The following CTNNA1 variants were observed in gnomAD, a reference collection of about 807,000 sequenced individuals.
The protein encoded by CTNNA1 is catenin alpha-1.
A neutral mutation model predicts 98.4 loss-of-function variants in CTNNA1; 37 were observed. That is an observed-to-expected ratio of 0.38 (90% CI 0.29 to 0.49). The LOEUF is 0.49. Ranked by LOEUF, CTNNA1 falls within the 20% of genes least tolerant of loss-of-function variation. The pLI is 0.95. For synonymous variants in CTNNA1, 404 were observed against 413.2 expected (o/e 0.98, Z 0.27); for missense variants, 761 against 1,147.2 (o/e 0.66, Z 4.86).
intron 7 of CTNNA1, chr5:138,880,044 C>T (rs980971580): frequency 5.3e-5 from 8 of 152,176 alleles, no homozygotes; most frequent in Non-Finnish European, 1.2e-4. Flanking sequence ...CTAAGTTGGG[C>T]ATTAGGTTAT....
chr5:138,783,105 C>T (rs2149655656), intron 2 of CTNNA1, 72 bp from the exon 3 acceptor site: 5 of 1,179,782 alleles, frequency 4.2e-6, no homozygotes, highest in East Asian at 2.5e-5. Context: ...ATAACTTAAT[C>T]TTGCTGTCTT....
At chr5:138,932,539 A>G (rs1158881774) in intron 16 of CTNNA1, 39 bp from the exon 17 acceptor site, 3 of 1,608,744 alleles carry the variant, frequency 1.9e-6, no homozygotes, top group African/African-American at 1.3e-5. Flanking sequence ...TGCTTGGGCC[A>G]GGCCAGGATA....
At chr5:138,794,873 A>G (rs1170934924) in intron 3 of CTNNA1, among the ~76,000 whole-genome samples, 6 of 152,164 alleles carry the variant, frequency 3.9e-5, no homozygotes, top group Admixed American at 3.9e-4. Flanking sequence ...AGATGAAAAT[A>G]GTTATCAGGC....
intron 7 of CTNNA1, among the ~76,000 whole-genome samples, chr5:138,829,613 A>G (rs1315219890): frequency 6.6e-6 from 1 of 152,218 alleles, no homozygotes; most frequent in Admixed American, 6.5e-5. Context: ...TACAAACAGT[A>G]CTGTCTATTC....
At chr5:138,829,449 G>A (rs1459224837) in intron 7 of CTNNA1, among the ~76,000 whole-genome samples, 2 of 152,286 alleles carry the variant, frequency 1.3e-5, no homozygotes, top group East Asian at 3.9e-4. Flanking sequence ...GACTTTGGTG[G>A]GAAGGAGGAT....
intron 7 of CTNNA1, among the ~76,000 whole-genome samples, chr5:138,864,299 A>G (rs1764542864): frequency 1.3e-5 from 2 of 152,126 alleles, no homozygotes; most frequent in Non-Finnish European, 2.9e-5. Context: ...ACCAGTCTTA[A>G]GTTTCACAGT....
intron 5 of CTNNA1, among the ~76,000 whole-genome samples, chr5:138,822,348 G>A (rs1225403163): frequency 6.6e-6 from 1 of 152,210 alleles, no homozygotes. Flanking sequence ...GGAAAGTCAT[G>A]TGTTGAATAG....
At chr5:138,909,839 C>T (rs1760151533) in intron 10 of CTNNA1, among the ~76,000 whole-genome samples, 1 of 152,210 alleles carries the variant, frequency 6.6e-6, no homozygotes, top group Non-Finnish European at 1.5e-5. Context: ...TGGCCCCTAG[C>T]TCTAGGTGGG....
In CTNNA1 at chr5:138,907,807, C is replaced by T. The variant is rs561627193; in HGVS notation, c.1389+3366C>T. On this transcript the variant is annotated intron_variant, in intron 10 of 17. Coordinates refer to ENST00000302763, the MANE Select transcript of CTNNA1 (RefSeq NM_001903.5). ...AGTGTGGAAGAGGTGCTCAGTGCTT[C>T]TAGGATGTATTTTAGTGTTTTATGC... Among the ~76,000 whole-genome samples, 14 of 152,216 alleles carry T rather than the reference C, an allele frequency of 9.2e-5. No individual in the cohort carries two copies. In the East Asian group the frequency reaches 2.7e-3, roughly 29 times the overall value.
At chr5:138,894,767 T>G (rs929468316) in intron 9 of CTNNA1, among the ~76,000 whole-genome samples, 10 of 152,188 alleles carry the variant, frequency 6.6e-5, no homozygotes, top group African/African-American at 9.7e-5. Flanking sequence ...AAATCCAGAT[T>G]CTCAACCATG....
chr5:138,924,655 G>A lies in CTNNA1; in HGVS notation c.1692G>A (p.Glu564=). 1 of 1,608,266 alleles carries A rather than the reference G, an allele frequency of 6.2e-7. No homozygotes were observed. Among genetic ancestry groups the A allele is most frequent in the Non-Finnish European group, 8.5e-7 (1 of 1,177,222 alleles). The change falls in exon 12 of 18, where the codon GAG becomes GAA. Residue 564 remains glutamate (E), a synonymous_variant. Coordinates refer to ENST00000302763, the MANE Select transcript of CTNNA1 (RefSeq NM_001903.5). The part of the protein sequence containing the change: ...HVVTSEMDNY[E]PGVYTEKVLE... ...TCACCTCAGAGATGGACAACTATGA[G>A]CCAGGAGTCTACACAGAGAAGGTTC...
intron 7 of CTNNA1, among the ~76,000 whole-genome samples, chr5:138,842,837 A>G (rs1561583734): frequency 6.6e-6 from 1 of 152,186 alleles, no homozygotes; most frequent in African/African-American, 2.4e-5. Context: ...CAGTTAAAAA[A>G]CACCTGACAC....
intron 1 of CTNNA1, among the ~76,000 whole-genome samples, chr5:138,759,865 C>A (rs773879589): frequency 2.6e-5 from 4 of 151,766 alleles, no homozygotes; most frequent in Admixed American, 1.3e-4. Flanking sequence ...TTCAACAGTC[C>A]CCAGAATTAC....
intron 3 of CTNNA1, among the ~76,000 whole-genome samples, chr5:138,802,466 G>C (rs538187009): frequency 3.4e-4 from 52 of 152,034 alleles, no homozygotes; most frequent in Non-Finnish European, 6.3e-4. Flanking sequence ...GAGCTCACAT[G>C]CCTGGCTGAC....
chr5:138,767,687 C>G (rs887178237), intron 1 of CTNNA1, among the ~76,000 whole-genome samples: 1 of 152,204 alleles, frequency 6.6e-6, no homozygotes, highest in Non-Finnish European at 1.5e-5. Context: ...GATTTACCAG[C>G]TGACCATTGT....
intron 9 of CTNNA1, among the ~76,000 whole-genome samples, chr5:138,903,588 G>T (rs1758550961): frequency 6.6e-6 from 1 of 152,196 alleles, no homozygotes; most frequent in African/African-American, 2.4e-5. Flanking sequence ...AAGGAAGTAT[G>T]ACACAACCTG....
chr5:138,836,656 A>G (rs1286668410), intron 7 of CTNNA1, among the ~76,000 whole-genome samples: 1 of 152,204 alleles, frequency 6.6e-6, no homozygotes, highest in African/African-American at 2.4e-5. Context: ...ATGATGGAGC[A>G]GGCATGTAAG....
Position 138,873,197 on chromosome 5 carries a change from ATTC to A in CTNNA1, c.1063-13009_1063-13007del. The A allele has an allele frequency of 1.2e-6, 2 of 1,614,016 alleles. No individual in the cohort carries two copies. Among genetic ancestry groups the A allele is most frequent in the Non-Finnish European group, 1.7e-6 (2 of 1,179,890 alleles). On this transcript the variant is annotated intron_variant, in intron 7 of 17. Coordinates refer to ENST00000302763, the MANE Select transcript of CTNNA1 (RefSeq NM_001903.5). This position sits in a 1 kb window ranked among gnomAD's most constrained non-coding sequence, Gnocchi z 6.1. Reference sequence around the variant, plus strand: ...GTTCTGAACCATTGAGCACTGCCTAATTCTTCTTAAAGTGGGAGGGCAGCACTT... The same window carrying A: ...GTTCTGAACCATTGAGCACTGCCTAATTCTTAAAGTGGGAGGGCAGCACTT...
intron 7 of CTNNA1, among the ~76,000 whole-genome samples, chr5:138,883,107 T>C (rs1581451754): frequency 6.6e-6 from 1 of 152,154 alleles, no homozygotes. Context: ...TCTCAGGCTG[T>C]CCACCCGCCT....
Sources: allele counts gnomAD v4.1 joint callset (sites outside exome capture counted in the v4.1 genomes callset), GRCh38; gene constraint gnomAD v4.1.1; non-coding constraint Gnocchi (gnomAD v3.1); transcripts MANE v1.5; gene names NCBI Gene and HGNC (gene_info 2026-07-23, HGNC 2026-07-21).